The following CTNNA2 variants were observed in gnomAD, a reference collection of about 807,000 sequenced individuals.
CTNNA2 encodes catenin alpha 2.
Under a neutral mutation model 101.0 loss-of-function variants are expected in CTNNA2, and 42 were observed. The observed-to-expected ratio is 0.42, with a 90% CI of 0.32 to 0.54. CTNNA2 has a LOEUF of 0.54. CTNNA2 is among the 20% of genes least tolerant of loss of function. The pLI, the probability that CTNNA2 is intolerant of heterozygous loss-of-function variation, is 0.14. For missense variants in CTNNA2, 871 were observed against 1,223.1 expected, an observed-to-expected ratio of 0.71 and a Z score of 4.29; for synonymous variants, 450 against 456.4, an observed-to-expected ratio of 0.99 and a Z score of 0.18.
intron 2 of CTNNA2, among the ~76,000 whole-genome samples, chr2:79,680,768 A>G (rs1683509650): frequency 6.6e-6 from 1 of 152,336 alleles, no homozygotes; most frequent in East Asian, 1.9e-4. Flanking sequence ...CTAAATGTGA[A>G]GTATTACTGC....
At chr2:80,628,826 C>G (rs1671970392) in intron 18 of CTNNA2, among the ~76,000 whole-genome samples, 3 of 151,846 alleles carry the variant, frequency 2.0e-5, no homozygotes, top group African/African-American at 7.3e-5. Flanking sequence ...CACGATGATC[C>G]CCATCATATG....
intron 7 of CTNNA2, among the ~76,000 whole-genome samples, chr2:79,964,439 T>C (rs571241318): frequency 6.6e-6 from 1 of 152,172 alleles, no homozygotes; most frequent in Admixed American, 6.5e-5. Context: ...GTTTATCTAA[T>C]GAAGGATATT....
At chr2:79,751,455 G>T (rs944913575) in intron 3 of CTNNA2, among the ~76,000 whole-genome samples, 1 of 152,014 alleles carries the variant, frequency 6.6e-6, no homozygotes. Context: ...AATTAGCAGG[G>T]TGTGGTGGCT....
chr2:79,472,928 C>G (rs1311226715), intron 4 of CTNNA2, among the ~76,000 whole-genome samples: 1 of 152,184 alleles, frequency 6.6e-6, no homozygotes, highest in Non-Finnish European at 1.5e-5. Flanking sequence ...CTTTCAAGTT[C>G]TACCTTCCAC....
At chr2:80,503,197 A>G (rs983663486) in intron 9 of CTNNA2, among the ~76,000 whole-genome samples, 13 of 152,138 alleles carry the variant, frequency 8.5e-5, no homozygotes, top group African/African-American at 3.1e-4. Context: ...AATAAAAATA[A>G]AAGAAAGAAA....
chr2:79,984,755 C>A (rs1005148007), intron 7 of CTNNA2, among the ~76,000 whole-genome samples: 1 of 152,046 alleles, frequency 6.6e-6, no homozygotes, highest in African/African-American at 2.4e-5. Flanking sequence ...CCTGACCCAT[C>A]CTTCTGCCTC....
intron 9 of CTNNA2, among the ~76,000 whole-genome samples, chr2:80,525,140 C>T (rs1480078989): frequency 6.6e-6 from 1 of 151,550 alleles, no homozygotes; most frequent in East Asian, 1.9e-4. Flanking sequence ...GCAATGTCTT[C>T]TCACTCTTTC....
chr2:79,889,885 C>G (rs893022045), intron 6 of CTNNA2, among the ~76,000 whole-genome samples: 3 of 152,182 alleles, frequency 2.0e-5, no homozygotes, highest in Non-Finnish European at 4.4e-5. Context: ...TAATGCATAA[C>G]AGACTCCAAA....
intron 7 of CTNNA2, among the ~76,000 whole-genome samples, chr2:80,171,340 T>G (rs563209833): frequency 6.6e-6 from 1 of 152,326 alleles, no homozygotes; most frequent in South Asian, 2.1e-4. Flanking sequence ...ACAGATACCT[T>G]AGTACTGCTA....
intron 9 of CTNNA2, among the ~76,000 whole-genome samples, chr2:80,510,254 T>C (rs1470391841): frequency 6.6e-6 from 1 of 152,202 alleles, no homozygotes; most frequent in East Asian, 1.9e-4. Context: ...CAGAGTTCAT[T>C]ATGTTGATGA....
chr2:80,506,094 A>G (rs1304047110), intron 9 of CTNNA2, among the ~76,000 whole-genome samples: 1 of 152,206 alleles, frequency 6.6e-6, no homozygotes, highest in Non-Finnish European at 1.5e-5. Flanking sequence ...CAAAAGACTC[A>G]GCATGATTTA....
At chr2:80,116,534 G>T (rs894229639) in intron 7 of CTNNA2, among the ~76,000 whole-genome samples, 1 of 152,176 alleles carries the variant, frequency 6.6e-6, no homozygotes, top group Non-Finnish European at 1.5e-5. Flanking sequence ...ACATGTGTAT[G>T]TGTGTGTTAG....
intron 7 of CTNNA2, among the ~76,000 whole-genome samples, chr2:80,325,683 A>G (rs1472570003): frequency 1.3e-5 from 2 of 152,198 alleles, no homozygotes; most frequent in Non-Finnish European, 2.9e-5. Context: ...TAATCAGGCC[A>G]TTAGATACAG....
At chr2:80,384,947 G>A (rs1271149946) in intron 7 of CTNNA2, among the ~76,000 whole-genome samples, 3 of 151,946 alleles carry the variant, frequency 2.0e-5, no homozygotes, top group Non-Finnish European at 2.9e-5. Flanking sequence ...AAACATGGAG[G>A]CATTTATTAA....
At chr2:80,255,145 T>C (rs188243738) in intron 7 of CTNNA2, among the ~76,000 whole-genome samples, 3 of 152,300 alleles carry the variant, frequency 2.0e-5, no homozygotes, top group Admixed American at 1.3e-4. Flanking sequence ...CTGATCTGTG[T>C]TTGAGCAAAT....
intron 7 of CTNNA2, among the ~76,000 whole-genome samples, chr2:79,996,588 T>A (rs527780888): frequency 3.5e-4 from 54 of 152,314 alleles, no homozygotes; most frequent in Non-Finnish European, 6.2e-4. Flanking sequence ...AAGATGATCC[T>A]TTTTTGAGTC....
chr2:80,642,584 T>TCTA (rs1252280157), intron 18 of CTNNA2, among the ~76,000 whole-genome samples: 5 of 152,096 alleles, frequency 3.3e-5, no homozygotes, highest in Admixed American at 2.0e-4. Context: ...TTTCAAGAGG[T>TCTA]GTAGTTGCAC....
At chr2:79,311,562 C>A (rs1258826212) in intron 2 of CTNNA2, among the ~76,000 whole-genome samples, 1 of 126,988 alleles carries the variant, frequency 7.9e-6, no homozygotes, top group African/African-American at 3.0e-5. Context: ...ATAGTGCGTC[C>A]CCCGGTGACA....
chr2:80,486,122 G>C (rs1257000605), intron 9 of CTNNA2, among the ~76,000 whole-genome samples: 1 of 152,158 alleles, frequency 6.6e-6, no homozygotes, highest in Non-Finnish European at 1.5e-5. Flanking sequence ...TAAATGGAAA[G>C]TCTATTACAT....
Sources: gnomAD v4.1 joint callset for allele counts (sites outside exome capture counted in the v4.1 genomes callset) on GRCh38, gnomAD v4.1.1 for gene constraint, MANE v1.5 for transcripts, NCBI Gene and HGNC (gene_info 2026-07-23, HGNC 2026-07-21) for gene names.